The following RICTOR variants were observed in gnomAD, a reference collection of about 807,000 sequenced individuals.
RICTOR encodes RPTOR independent companion of MTOR complex 2, also known as rapamycin-insensitive companion of mTOR.
Under a neutral mutation model 214.9 loss-of-function variants are expected in RICTOR, and 49 were observed. The ratio of observed to expected loss-of-function variants is 0.23; its 90% CI spans 0.18 to 0.29. The LOEUF is 0.29. RICTOR is among the 10% of genes least tolerant of loss of function. The probability of loss-of-function intolerance (pLI) is 1.00; values close to 1 mark genes in which losing one functional copy is unlikely to be tolerated. For missense variants in RICTOR, 1,625 were observed against 2,047.0 expected, an observed-to-expected ratio of 0.79 and a Z score of 3.98; for synonymous variants, 717 against 711.3, an observed-to-expected ratio of 1.01 and a Z score of -0.13.
At chr5:39,073,035 G>A (rs1759433255) in intron 2 of RICTOR, among the ~76,000 whole-genome samples, 1 of 152,212 alleles carries the variant, frequency 6.6e-6, no homozygotes, top group African/African-American at 2.4e-5. Context: ...TTGTCAACAA[G>A]GAGCCCAGCT....
At chr5:38,973,748 A>G (rs559392761) in intron 10 of RICTOR, among the ~76,000 whole-genome samples, 166 of 152,316 alleles carry the variant, frequency 1.1e-3, no homozygotes, top group Non-Finnish European at 1.6e-3. Context: ...GAGAAATTAC[A>G]GATAAGATAT....
At chr5:38,978,672 G>A in intron 8 of RICTOR, 22 bp from the exon 9 acceptor site, 15 of 1,178,476 alleles carry the variant, frequency 1.3e-5, no homozygotes, top group Non-Finnish European at 1.7e-5. Flanking sequence ...AAAAAAGGAA[G>A]AAAAGAGTCT....
chr5:39,023,663 T>C lies in RICTOR; in HGVS notation c.98-2527A>G, dbSNP rs56023262. The stretch of plus-strand genomic sequence containing the variant: ...CCATTATGACTTCCTTTGAGACTTT[T>C]ATCTGTTAACACCAATGCAAGGAAC... On this transcript the variant is annotated intron_variant, in intron 2 of 37. Transcript: ENST00000357387. Among the ~76,000 whole-genome samples the C allele has an allele frequency of 6.9e-3, 1,047 of 152,350 alleles. 12 individuals are homozygous for C. The highest frequency in any genetic ancestry group is 0.011 in the Non-Finnish European group (742 of 68,036).
At chr5:39,018,416 A>G (rs1377525884) in intron 3 of RICTOR, among the ~76,000 whole-genome samples, 2 of 152,240 alleles carry the variant, frequency 1.3e-5, no homozygotes, top group East Asian at 3.9e-4. Context: ...AGCTTCACAG[A>G]TACTCTGTTT....
chr5:38,953,601 T>C, intron 27 of RICTOR, 48 bp from the exon 28 acceptor site: 1 of 583,624 alleles, frequency 1.7e-6, no homozygotes, highest in Non-Finnish European at 2.8e-6. Flanking sequence ...ATTTATGTAT[T>C]TAATATATTA....
At chr5:39,055,709 T>G (rs1195924994) in intron 2 of RICTOR, among the ~76,000 whole-genome samples, 1 of 151,950 alleles carries the variant, frequency 6.6e-6, no homozygotes, top group Non-Finnish European at 1.5e-5. Context: ...AAAGCCCAAA[T>G]AAAGAAGATG....
chr5:38,942,776 A>G (rs777597835), intron 37 of RICTOR, 57 bp downstream of exon 37: 2 of 1,397,130 alleles, frequency 1.4e-6, no homozygotes, highest in Non-Finnish European at 2.0e-6. Context: ...TTTTAATTCA[A>G]TTCAAACACA....
At chr5:39,020,060 G>A (rs896115666) in intron 3 of RICTOR, among the ~76,000 whole-genome samples, 1 of 152,090 alleles carries the variant, frequency 6.6e-6, no homozygotes, top group Admixed American at 6.5e-5. Context: ...AATTAGAGGG[G>A]GAGCCTGAAG....
intron 2 of RICTOR, among the ~76,000 whole-genome samples, chr5:39,032,404 AAGTCAATC>A (rs1756339604): frequency 6.6e-6 from 1 of 152,246 alleles, no homozygotes; most frequent in Non-Finnish European, 1.5e-5. Flanking sequence ...TTACAATGGC[AAGTCAATC>A]AGTTTAACTG....
intron 2 of RICTOR, among the ~76,000 whole-genome samples, chr5:39,056,019 T>C (rs1758182094): frequency 6.6e-6 from 1 of 152,178 alleles, no homozygotes; most frequent in Admixed American, 6.5e-5. Context: ...TTAAAGTACT[T>C]CTCTTAACCC....
chr5:38,953,414 A>T, intron 28 of RICTOR, 47 bp downstream of exon 28: 1 of 849,400 alleles, frequency 1.2e-6, no homozygotes, highest in Non-Finnish European at 1.8e-6. Context: ...AAAAAAACTT[A>T]AAAATCTAAA....
At chr5:38,982,086 A>G in intron 7 of RICTOR, 50 bp from the exon 8 acceptor site, 2 of 1,378,282 alleles carry the variant, frequency 1.5e-6, no homozygotes, top group Non-Finnish European at 2.0e-6. Flanking sequence ...TATTAAAAGT[A>G]ATAAAAAATC....
chr5:39,007,712 G>A (rs1754187545), intron 3 of RICTOR, among the ~76,000 whole-genome samples: 1 of 151,502 alleles, frequency 6.6e-6, no homozygotes, highest in African/African-American at 2.4e-5. Context: ...CAAATCAAAT[G>A]AATTGCAAAG....
At chr5:39,021,735 G>A (rs1025048686) in intron 2 of RICTOR, among the ~76,000 whole-genome samples, 2 of 152,038 alleles carry the variant, frequency 1.3e-5, no homozygotes, top group African/African-American at 4.8e-5. Context: ...CCTGCCTCCA[G>A]AACTGTGAGA....
chr5:38,990,523 T>TATATACACAATATATAC (rs141086118), intron 7 of RICTOR, among the ~76,000 whole-genome samples: 2 of 129,800 alleles, frequency 1.5e-5, no homozygotes, highest in Admixed American at 8.3e-5. Context: ...ACGATATATA[T>TATATACACAATATATAC]ACGATATATA....
rs1754177567 is a variant in RICTOR at position 39,007,572 on chromosome 5, A to C, written c.196-3950T>G. Among the ~76,000 whole-genome samples, 3 of 152,284 alleles carry C rather than the reference A, an allele frequency of 2.0e-5. No individual in the cohort carries two copies. In the South Asian group the frequency reaches 6.2e-4, roughly 32 times the overall value. ...CTAATACAGATCCTTATAATGTAAA[A>C]GGTTGAAACAAATTGAGGAAAAACT... On this transcript the variant is annotated intron_variant, in intron 3 of 37. Coordinates refer to ENST00000357387, the MANE Select transcript of RICTOR (RefSeq NM_152756.5).
intron 8 of RICTOR, chr5:38,981,042 T>C (rs1751680830): frequency 6.6e-6 from 1 of 152,354 alleles, no homozygotes; most frequent in East Asian, 1.9e-4. Flanking sequence ...AGGACTATTA[T>C]ACTAACATTG....
At chr5:38,943,134 C>T (rs1432267936) in intron 36 of RICTOR, 163 bp from the exon 37 acceptor site, 3 of 464,750 alleles carry the variant, frequency 6.5e-6, no homozygotes, top group African/African-American at 4.1e-5. Context: ...ATTCCTGTCA[C>T]ACACTTAGAC....
At position 39,039,197 on chromosome 5, in the gene RICTOR, C is replaced by G. The variant is rs370005780; in HGVS notation, c.98-18061G>C. The stretch of plus-strand genomic sequence containing the variant: ...ATTATCTGATCTTTGACAAACCTGA[C>G]AAAAACAAGAAATGGGGAAAGGATT... On this transcript the variant is annotated intron_variant, in intron 2 of 37. Coordinates refer to ENST00000357387, the MANE Select transcript of RICTOR (RefSeq NM_152756.5). Among the ~76,000 whole-genome samples, 83 of 152,112 alleles carry G rather than the reference C, an allele frequency of 5.5e-4. 2 individuals are homozygous for G. Among genetic ancestry groups the G allele is most frequent in the African/African-American group, 9.9e-4 (41 of 41,480 alleles).
Sources: allele counts gnomAD v4.1 joint callset (sites outside exome capture counted in the v4.1 genomes callset), GRCh38; gene constraint gnomAD v4.1.1; transcripts MANE v1.5; gene names NCBI Gene and HGNC (gene_info 2026-07-23, HGNC 2026-07-21).